Variants in MLLT3 observed in about 807,000 individuals in gnomAD.
MLLT3 encodes the protein MLLT3 super elongation complex subunit, also known as protein AF-9.
Under a neutral mutation model 53.2 loss-of-function variants are expected in MLLT3, and 4 were observed. That is an observed-to-expected ratio of 0.08 (90% CI 0.04 to 0.17). MLLT3 has a LOEUF of 0.17. Among genes scored for constraint, MLLT3 ranks in the 10% least tolerant of loss-of-function variants. The pLI, the probability that MLLT3 is intolerant of heterozygous loss-of-function variation, is 1.00. For missense variants in MLLT3, 569 were observed against 684.0 expected (o/e 0.83, Z 1.87); for synonymous variants, 283 against 230.6 (o/e 1.23, Z -2.06).
chr9:20,397,742 G>A (rs1822357697), intron 5 of MLLT3, among the ~76,000 whole-genome samples: 1 of 152,082 alleles, frequency 6.6e-6, no homozygotes, highest in Non-Finnish European at 1.5e-5. Flanking sequence ...GATGACTGCT[G>A]TCTTTAGAGT....
chr9:20,547,584 C>T (rs1372167287), intron 2 of MLLT3, among the ~76,000 whole-genome samples: 1 of 145,874 alleles, frequency 6.9e-6, no homozygotes, highest in African/African-American at 2.5e-5. Context: ...GCGGAGGTTG[C>T]AGTGAGCCGA....
chr9:20,380,027 C>T (rs1338746937), intron 5 of MLLT3, among the ~76,000 whole-genome samples: 2 of 151,992 alleles, frequency 1.3e-5, no homozygotes, highest in Non-Finnish European at 2.9e-5. Flanking sequence ...AGTGAGCTAA[C>T]ATTCTTGTTA....
intron 4 of MLLT3, chr9:20,418,497 T>C (rs556413116): frequency 2.0e-5 from 3 of 152,356 alleles, no homozygotes; most frequent in East Asian, 1.9e-4. Flanking sequence ...TCTCTTGAAC[T>C]AGTTAGCTCT....
rs139837160 is a variant in MLLT3 at position 20,400,737 on chromosome 9, G to GAA, written c.1125+12982_1125+12983dup. Among the ~76,000 whole-genome samples the GAA allele has an allele frequency of 5.8e-3, 848 of 145,592 alleles. 8 individuals carry two copies. Among genetic ancestry groups the GAA allele is most frequent in the African/African-American group, 0.02 (810 of 39,976 alleles). ...TCTTCATAATGAAGGATTACAAAAAGAAAAAAAAAACATGTTAAAGAGAAT... is the reference window on the plus strand; with the variant it reads ...TCTTCATAATGAAGGATTACAAAAAGAAAAAAAAAAAACATGTTAAAGAGAAT... On this transcript the variant is annotated intron_variant, in intron 5 of 10. Coordinates refer to ENST00000380338, the MANE Select transcript of MLLT3 (RefSeq NM_004529.4).
At chr9:20,521,225 C>T (rs775043562) in intron 2 of MLLT3, among the ~76,000 whole-genome samples, 4 of 152,060 alleles carry the variant, frequency 2.6e-5, no homozygotes, top group Non-Finnish European at 5.9e-5. Context: ...TATGCACCAT[C>T]GCATCCGGCT....
chr9:20,357,162 C>G (rs1414572375), intron 8 of MLLT3, among the ~76,000 whole-genome samples: 1 of 152,234 alleles, frequency 6.6e-6, no homozygotes, highest in Admixed American at 6.5e-5. Context: ...TTTCATTCAA[C>G]ATGCCTTGCA....
At chr9:20,609,813 C>T (rs201823977) in intron 2 of MLLT3, among the ~76,000 whole-genome samples, 1 of 152,224 alleles carries the variant, frequency 6.6e-6, no homozygotes, top group East Asian at 1.9e-4. Flanking sequence ...ACCCATTTCA[C>T]TGTCCATTCA....
intron 5 of MLLT3, among the ~76,000 whole-genome samples, chr9:20,408,289 C>CT (rs1261065649): frequency 6.6e-6 from 1 of 151,562 alleles, no homozygotes; most frequent in African/African-American, 2.4e-5. Context: ...TTTTAATCTC[C>CT]TTTTTAACTG....
chr9:20,494,350 C>T (rs188265538), intron 2 of MLLT3, among the ~76,000 whole-genome samples: 36 of 152,012 alleles, frequency 2.4e-4, no homozygotes, highest in African/African-American at 8.4e-4. Flanking sequence ...ATGCACAAAT[C>T]CAGAAAGCTT....
At chr9:20,511,856 G>A (rs2118962125) in intron 2 of MLLT3, among the ~76,000 whole-genome samples, 1 of 152,244 alleles carries the variant, frequency 6.6e-6, no homozygotes, top group African/African-American at 2.4e-5. Flanking sequence ...TGAAGGCAGA[G>A]AAGGGCAACA....
At chr9:20,611,352 G>C (rs1253906731) in intron 2 of MLLT3, among the ~76,000 whole-genome samples, 1 of 151,958 alleles carries the variant, frequency 6.6e-6, no homozygotes, top group Non-Finnish European at 1.5e-5. Flanking sequence ...TACTCTCCAA[G>C]CCACTGCTAT....
intron 2 of MLLT3, among the ~76,000 whole-genome samples, chr9:20,459,924 C>T (rs1233755218): frequency 6.6e-6 from 1 of 152,012 alleles, no homozygotes; most frequent in Non-Finnish European, 1.5e-5. Flanking sequence ...AATAAACAGG[C>T]TAGAAAATCA....
intron 2 of MLLT3, among the ~76,000 whole-genome samples, chr9:20,566,284 C>G (rs1167519800): frequency 6.6e-6 from 1 of 151,296 alleles, no homozygotes; most frequent in Non-Finnish European, 1.5e-5. Flanking sequence ...ACCAAGTCTA[C>G]AGAGTGAGAC....
At chr9:20,485,720 GA>G (rs1824793679) in intron 2 of MLLT3, among the ~76,000 whole-genome samples, 1 of 142,198 alleles carries the variant, frequency 7.0e-6, no homozygotes, top group African/African-American at 2.7e-5. Context: ...TTTAATAAAA[GA>G]ATATACACAT....
chr9:20,410,271 A>G (rs942069410), intron 5 of MLLT3, among the ~76,000 whole-genome samples: 4 of 152,298 alleles, frequency 2.6e-5, no homozygotes, highest in African/African-American at 7.2e-5. Flanking sequence ...AAGAGAAAAA[A>G]TCTCTTTCAA....
chr9:20,589,646 A>G (rs1305497493), intron 2 of MLLT3, among the ~76,000 whole-genome samples: 1 of 150,426 alleles, frequency 6.6e-6, no homozygotes, highest in Non-Finnish European at 1.5e-5. Context: ...GTATTCAAAA[A>G]CTTTGTATTT....
chr9:20,447,980 G>A, intron 4 of MLLT3, 143 bp downstream of exon 4: 1 of 802,682 alleles, frequency 1.2e-6, no homozygotes, highest in East Asian at 2.5e-5. Flanking sequence ...TGAATCCACA[G>A]CTAAGCCATT....
intron 2 of MLLT3, among the ~76,000 whole-genome samples, chr9:20,505,917 T>C (rs1038786041): frequency 2.0e-5 from 3 of 152,218 alleles, no homozygotes; most frequent in African/African-American, 7.2e-5. Flanking sequence ...CAGCTGTTGT[T>C]ACGTGAGCTA....
At chr9:20,542,632 T>G (rs1563809557) in intron 2 of MLLT3, among the ~76,000 whole-genome samples, 1 of 152,150 alleles carries the variant, frequency 6.6e-6, no homozygotes. Context: ...TAAACAGATG[T>G]GCTGTCATCC....
Sources: allele counts gnomAD v4.1 joint callset (sites outside exome capture counted in the v4.1 genomes callset), GRCh38; gene constraint gnomAD v4.1.1; transcripts MANE v1.5; gene names NCBI Gene and HGNC (gene_info 2026-07-23, HGNC 2026-07-21).